The following NBAS variants were observed in gnomAD, a reference collection of about 807,000 sequenced individuals.
NBAS encodes NAG/BC035112 fusion.
Under a neutral mutation model 302.5 loss-of-function variants are expected in NBAS, and 219 were observed. The ratio of observed to expected loss-of-function variants is 0.72; its 90% CI spans 0.65 to 0.81. The LOEUF (loss-of-function observed/expected upper bound fraction) is 0.81, where lower values mean the gene tolerates loss of function less well. Among genes scored for constraint, NBAS ranks in the 30% least tolerant of loss-of-function variants. The probability of loss-of-function intolerance (pLI) is 0.00; values close to 1 mark genes in which losing one functional copy is unlikely to be tolerated. For synonymous variants in NBAS, 1,118 were observed against 1,021.6 expected, an observed-to-expected ratio of 1.09 and a Z score of -1.80; for missense variants, 2,932 against 2,841.6, an observed-to-expected ratio of 1.03 and a Z score of -0.72.
rs1015719959 is a variant in NBAS, at chr2:15,504,535, C to T, written c.886-322G>A. ...GCCCAAGGTTGCCATTTTATCCTAA[C>T]ATCAGTATAGAAAAAGCTAAAACTT... On this transcript the variant is annotated intron_variant, in intron 10 of 51. Transcript: ENST00000281513. 7.9e-5 allele frequency among the ~76,000 whole-genome samples: 12 copies of T among 152,294 alleles called. No individual in the cohort carries two copies. In the South Asian group the frequency reaches 2.5e-3, roughly 32 times the overall value.
At chr2:14,995,310 G>A in the NBAS span, among the ~76,000 whole-genome samples, 1 of 152,126 alleles carries the variant, frequency 6.6e-6, no homozygotes, top group Non-Finnish European at 1.5e-5. Context: ...AACATGTGGT[G>A]TTTGGTTTTT....
intron 51 of NBAS, among the ~76,000 whole-genome samples, chr2:15,177,739 C>T (rs1664618299): frequency 6.6e-6 from 1 of 152,134 alleles, no homozygotes; most frequent in African/African-American, 2.4e-5. Flanking sequence ...AATTCTGTTT[C>T]ATATAAATTC....
chr2:14,900,778 T>A, the NBAS span, among the ~76,000 whole-genome samples: 1 of 152,198 alleles, frequency 6.6e-6, no homozygotes, highest in African/African-American at 2.4e-5. Flanking sequence ...GAACAAAGTA[T>A]GCACAGGGCA....
chr2:15,075,891 T>C, the NBAS span, among the ~76,000 whole-genome samples: 4 of 152,208 alleles, frequency 2.6e-5, no homozygotes, highest in African/African-American at 9.7e-5. Flanking sequence ...AATGAATGTT[T>C]TACATTTTAC....
the NBAS span, among the ~76,000 whole-genome samples, chr2:14,843,128 T>TA: frequency 1.3e-5 from 2 of 152,092 alleles, no homozygotes; most frequent in Non-Finnish European, 2.9e-5. Context: ...CCTTTTATCA[T>TA]AAAAACCCTC....
intron 6 of NBAS, among the ~76,000 whole-genome samples, chr2:15,547,919 A>C (rs1664190624): frequency 6.6e-6 from 1 of 152,230 alleles, no homozygotes. Context: ...CCTCCCCAAA[A>C]GGATTAGGCA....
chr2:15,205,654 T>G (rs1666105733), intron 48 of NBAS, among the ~76,000 whole-genome samples: 2 of 152,112 alleles, frequency 1.3e-5, no homozygotes, highest in Non-Finnish European at 1.5e-5. Context: ...CGAATTATAA[T>G]CCCCACATTT....
the NBAS span, among the ~76,000 whole-genome samples, chr2:14,932,338 C>G: frequency 2.0e-5 from 3 of 152,216 alleles, no homozygotes; most frequent in Non-Finnish European, 4.4e-5. Flanking sequence ...CAGAGTCCCC[C>G]TACTAATGAC....
At chr2:15,295,242 G>A (rs1306485247) in intron 40 of NBAS, among the ~76,000 whole-genome samples, 1 of 152,222 alleles carries the variant, frequency 6.6e-6, no homozygotes, top group African/African-American at 2.4e-5. Flanking sequence ...AAATATAAGT[G>A]TATAGCAAGA....
At chr2:14,979,723 C>A in the NBAS span, among the ~76,000 whole-genome samples, 1 of 152,036 alleles carries the variant, frequency 6.6e-6, no homozygotes, top group African/African-American at 2.4e-5. Context: ...CATCTGGCAA[C>A]TCCTCATTAT....
At chr2:15,049,223 C>T in the NBAS span, among the ~76,000 whole-genome samples, 7,576 of 152,308 alleles carry the variant, frequency 0.05, 610 homozygotes, top group African/African-American at 0.17. Context: ...AGCCAGTCAC[C>T]CGCCTGCCAA....
the NBAS span, among the ~76,000 whole-genome samples, chr2:15,081,820 G>A: frequency 6.6e-6 from 1 of 152,184 alleles, no homozygotes; most frequent in East Asian, 1.9e-4. Context: ...TTTGGCTGCT[G>A]CCTGGAAGGA....
the NBAS span, among the ~76,000 whole-genome samples, chr2:14,918,987 G>A: frequency 3.3e-5 from 5 of 152,196 alleles, no homozygotes; most frequent in Admixed American, 6.5e-5. Context: ...CATTTAGATG[G>A]GGGAGGGAGG....
At chr2:15,092,101 C>T in the NBAS span, among the ~76,000 whole-genome samples, 23 of 152,310 alleles carry the variant, frequency 1.5e-4, no homozygotes, top group African/African-American at 5.3e-4. Context: ...GTCACAGTAG[C>T]ACACACAGGA....
At chr2:14,944,736 GA>G in the NBAS span, among the ~76,000 whole-genome samples, 6,289 of 141,364 alleles carry the variant, frequency 0.044, 396 homozygotes, top group African/African-American at 0.15. Flanking sequence ...AAAAGTGAAA[GA>G]AAAAAAAAAA....
At chr2:15,473,102 A>C in intron 16 of NBAS, 120 bp downstream of exon 16, 4 of 1,126,214 alleles carry the variant, frequency 3.6e-6, no homozygotes, top group Non-Finnish European at 5.1e-6. Flanking sequence ...AGAAAATTGT[A>C]CTTCATTGGC....
At chr2:14,926,741 C>A in the NBAS span, among the ~76,000 whole-genome samples, 128 of 152,230 alleles carry the variant, frequency 8.4e-4, no homozygotes, top group Middle Eastern at 3.4e-3. Context: ...CCAGTTGAAA[C>A]CCTGTACCCA....
chr2:15,164,915 C>T (rs1663977234), downstream of NBAS, among the ~76,000 whole-genome samples: 1 of 152,168 alleles, frequency 6.6e-6, no homozygotes, highest in African/African-American at 2.4e-5. Flanking sequence ...AGCCATGGAG[C>T]TTCCAGGAGA....
intron 42 of NBAS, among the ~76,000 whole-genome samples, chr2:15,285,892 T>G (rs775579288): frequency 8.5e-5 from 13 of 152,162 alleles, no homozygotes; most frequent in Non-Finnish European, 1.6e-4. Flanking sequence ...TGACCTTAAG[T>G]GATCTACCTA....
Sources: gnomAD v4.1 joint callset for allele counts (sites outside exome capture counted in the v4.1 genomes callset) on GRCh38, gnomAD v4.1.1 for gene constraint, MANE v1.5 for transcripts, NCBI Gene and HGNC (gene_info 2026-07-23, HGNC 2026-07-21) for gene names.